Variants in APLF observed in about 807,000 individuals in gnomAD.
APLF encodes the protein aprataxin and PNK-like factor.
A neutral mutation model predicts 55.6 loss-of-function variants in APLF; 61 were observed. That is an observed-to-expected ratio of 1.10 (90% CI 0.89 to 1.36). The LOEUF (loss-of-function observed/expected upper bound fraction) is 1.36, where lower values mean the gene tolerates loss of function less well. Ranked by LOEUF, APLF falls within the 40% of genes most tolerant of loss-of-function variation. The pLI, the probability that APLF is intolerant of heterozygous loss-of-function variation, is 0.00. For synonymous variants in APLF, 207 were observed against 214.8 expected, an observed-to-expected ratio of 0.96 and a Z score of 0.32; for missense variants, 611 against 602.5, an observed-to-expected ratio of 1.01 and a Z score of -0.15.
chr2:68,519,070 T>C (rs1573211657), intron 5 of APLF, among the ~76,000 whole-genome samples: 1 of 126,266 alleles, frequency 7.9e-6, no homozygotes, highest in East Asian at 2.1e-4. Context: ...TAATATATAA[T>C]AATAATATAA....
At chr2:68,473,015 A>G (rs1675668091) in intron 1 of APLF, among the ~76,000 whole-genome samples, 1 of 152,154 alleles carries the variant, frequency 6.6e-6, no homozygotes, top group Non-Finnish European at 1.5e-5. Context: ...ATCCACATTG[A>G]CATGTCATTA....
rs928039535 is a variant in APLF, at chr2:68,529,326, G to A, written c.804+3084G>A. On this transcript the variant is annotated intron_variant, in intron 6 of 9. Coordinates refer to ENST00000303795, the MANE Select transcript of APLF (RefSeq NM_173545.3). The surrounding 1 kb of genome is among the most constrained non-coding windows in gnomAD (Gnocchi z 4.4). ...AGTGGGAAACAGCCAAAGAGTCCTG[G>A]GGCAGGCACAGGTGCAGGAGCCGCG... is the stretch of plus-strand genomic sequence containing the variant. 12 of 1,354,286 alleles carry A rather than the reference G, an allele frequency of 8.9e-6. No individual in the cohort carries two copies. In the East Asian group the frequency reaches 3.3e-4, roughly 37 times the overall value. 83.9% of individuals were successfully genotyped at this position (1,354,286 alleles called of 1,614,324 possible).
chr2:68,515,824 C>G, intron 5 of APLF: 1 of 810,098 alleles, frequency 1.2e-6, no homozygotes, highest in Non-Finnish European at 1.5e-6. Flanking sequence ...CAGTTTAGTA[C>G]TTTAGAACAG....
chr2:68,520,253 C>T (rs1669858110), intron 5 of APLF, among the ~76,000 whole-genome samples: 1 of 152,026 alleles, frequency 6.6e-6, no homozygotes, highest in African/African-American at 2.4e-5. Flanking sequence ...GATTTTCTCC[C>T]ACTCTGTGAG....
At chr2:68,498,284 T>A (rs1235937173) in intron 2 of APLF, among the ~76,000 whole-genome samples, 3 of 152,228 alleles carry the variant, frequency 2.0e-5, no homozygotes, top group African/African-American at 7.2e-5. Context: ...TTAAAAATCT[T>A]TGTAAAATTA....
At chr2:68,498,921 A>C (rs904581276) in intron 2 of APLF, among the ~76,000 whole-genome samples, 2 of 152,204 alleles carry the variant, frequency 1.3e-5, no homozygotes, top group South Asian at 4.2e-4. Context: ...AAGTTCCCGA[A>C]TTGAGATTGT....
intron 8 of APLF, among the ~76,000 whole-genome samples, chr2:68,558,786 C>A (rs946926412): frequency 6.6e-6 from 1 of 152,108 alleles, no homozygotes; most frequent in Non-Finnish European, 1.5e-5. Context: ...TGATGCTCTC[C>A]CTCTGCCTAC....
intron 3 of APLF, among the ~76,000 whole-genome samples, chr2:68,506,850 A>G (rs1321553432): frequency 1.3e-5 from 2 of 152,052 alleles, no homozygotes; most frequent in Non-Finnish European, 2.9e-5. Context: ...AGGTTAAAAC[A>G]TGGATAAATC....
intron 5 of APLF, 129 bp from the exon 6 acceptor site, chr2:68,525,932 T>C (rs767506574): frequency 1.3e-5 from 11 of 834,114 alleles, no homozygotes; most frequent in Non-Finnish European, 2.0e-5. Context: ...GTATTTTCAG[T>C]AGAGACCGGG....
At chr2:68,524,346 C>T (rs545800136) in intron 5 of APLF, among the ~76,000 whole-genome samples, 1 of 152,244 alleles carries the variant, frequency 6.6e-6, no homozygotes, top group South Asian at 2.1e-4. Context: ...GCATTTCTTT[C>T]CTGAACTTAA....
At chr2:68,505,126 G>A (rs1676836515) in intron 3 of APLF, among the ~76,000 whole-genome samples, 1 of 152,028 alleles carries the variant, frequency 6.6e-6, no homozygotes, top group Non-Finnish European at 1.5e-5. Flanking sequence ...TTAGTTAAAT[G>A]AAATTCATTA....
intron 5 of APLF, among the ~76,000 whole-genome samples, chr2:68,516,354 A>G (rs376527376): frequency 6.6e-6 from 1 of 151,340 alleles, no homozygotes; most frequent in East Asian, 1.9e-4. Context: ...TTAATCCTTT[A>G]TATGTAGGGG....
chr2:68,486,740 G>A (rs1026741029), intron 1 of APLF, among the ~76,000 whole-genome samples: 1 of 152,086 alleles, frequency 6.6e-6, no homozygotes, highest in Admixed American at 6.5e-5. Flanking sequence ...AATGTGTGTT[G>A]TGATTAGAAT....
chr2:68,545,853 G>C (rs1013084897), intron 8 of APLF, among the ~76,000 whole-genome samples: 2 of 152,148 alleles, frequency 1.3e-5, no homozygotes, highest in African/African-American at 4.8e-5. Context: ...CCTACAGGCA[G>C]CAAGTATCTT....
intron 7 of APLF, among the ~76,000 whole-genome samples, chr2:68,539,931 G>A (rs1365701661): frequency 6.6e-6 from 1 of 152,040 alleles, no homozygotes; most frequent in Admixed American, 6.6e-5. Flanking sequence ...AACATGTAGA[G>A]TAGAAAGGAA....
At chr2:68,507,732 C>G (rs1200058089) in intron 3 of APLF, among the ~76,000 whole-genome samples, 1 of 151,870 alleles carries the variant, frequency 6.6e-6, no homozygotes, top group Non-Finnish European at 1.5e-5. Flanking sequence ...GGATATTAAA[C>G]TGAGTGATAA....
intron 3 of APLF, among the ~76,000 whole-genome samples, chr2:68,505,908 G>A (rs1332048921): frequency 6.6e-6 from 1 of 151,980 alleles, no homozygotes; most frequent in East Asian, 1.9e-4. Flanking sequence ...CTGGTGGTGA[G>A]GCTGGGAGTT....
intron 9 of APLF, among the ~76,000 whole-genome samples, chr2:68,576,484 G>T (rs1331082110): frequency 6.6e-6 from 1 of 152,012 alleles, no homozygotes; most frequent in Non-Finnish European, 1.5e-5. Flanking sequence ...TTTAGCCTTG[G>T]CTACCAAGAA....
chr2:68,562,251 G>A (rs1156496885), intron 8 of APLF, among the ~76,000 whole-genome samples: 1 of 151,990 alleles, frequency 6.6e-6, no homozygotes, highest in Admixed American at 6.6e-5. Context: ...GGTTGGAGAG[G>A]TATTGGTCAA....
Sources: gnomAD v4.1 joint callset for allele counts (sites outside exome capture counted in the v4.1 genomes callset) on GRCh38, gnomAD v4.1.1 for gene constraint, Gnocchi (gnomAD v3.1) non-coding constraint, MANE v1.5 for transcripts, NCBI Gene and HGNC (gene_info 2026-07-23, HGNC 2026-07-21) for gene names.